KANK1: variants seen among roughly 807,000 people sequenced by gnomAD.
KANK1 encodes KN motif and ankyrin repeat domain-containing protein 1.
KANK1 carries 109 observed loss-of-function variants against 106.2 expected under a neutral mutation model. That is an observed-to-expected ratio of 1.03 (90% CI 0.88 to 1.20). The LOEUF (loss-of-function observed/expected upper bound fraction) is 1.20. Ranked by LOEUF, KANK1 falls within the 50% of genes most tolerant of loss-of-function variation. The pLI is 0.00. For missense variants in KANK1, 2,399 were observed against 1,710.7 expected, an observed-to-expected ratio of 1.40 and a Z score of -7.10; for synonymous variants, 873 against 652.2, an observed-to-expected ratio of 1.34 and a Z score of -5.16.
At chr9:649,640 A>G (rs140054969) in intron 1 of KANK1, among the ~76,000 whole-genome samples, 14 of 152,302 alleles carry the variant, frequency 9.2e-5, no homozygotes, top group Middle Eastern at 3.4e-3. Context: ...TAGCTTTGAC[A>G]CTTCAGTAGT....
intron 1 of KANK1, among the ~76,000 whole-genome samples, chr9:525,453 C>T (rs895339786): frequency 6.6e-6 from 1 of 151,196 alleles, no homozygotes; most frequent in African/African-American, 2.5e-5. Flanking sequence ...GATCTTGGCT[C>T]ACTGCAACTT....
chr9:555,227 C>T (rs141572095), intron 1 of KANK1, among the ~76,000 whole-genome samples: 1 of 152,204 alleles, frequency 6.6e-6, no homozygotes, highest in Non-Finnish European at 1.5e-5. Context: ...GTCAGTAATC[C>T]AAAGCAGGAT....
At chr9:547,688 C>A (rs2061016043) in intron 1 of KANK1, among the ~76,000 whole-genome samples, 1 of 144,002 alleles carries the variant, frequency 6.9e-6, no homozygotes, top group Non-Finnish European at 1.6e-5. Flanking sequence ...GATAAGAATT[C>A]TCTTCCTGCA....
chr9:717,013 C>T (rs971813560), intron 3 of KANK1, among the ~76,000 whole-genome samples: 15 of 151,120 alleles, frequency 9.9e-5, no homozygotes, highest in African/African-American at 3.2e-4. Context: ...AGATTGTGCA[C>T]GGTGGCTCAC....
chr9:570,159 T>G (rs1000193020), intron 1 of KANK1, among the ~76,000 whole-genome samples: 1 of 152,230 alleles, frequency 6.6e-6, no homozygotes, highest in Non-Finnish European at 1.5e-5. Flanking sequence ...CATTGCTACT[T>G]TGGAGAATGT....
chr9:494,145 T>C (rs1414213471), intron 3 of KANK1, among the ~76,000 whole-genome samples: 3 of 152,180 alleles, frequency 2.0e-5, no homozygotes, highest in African/African-American at 7.2e-5. Flanking sequence ...CCTCCCAAAG[T>C]GCTGGGATTA....
At chr9:478,115 A>G in intron 3 of KANK1, 1 of 213,786 alleles carries the variant, frequency 4.7e-6, no homozygotes. Context: ...GCCCTCAAGG[A>G]ACCAGAGACA....
At chr9:687,428 A>T (rs1247859106) in intron 2 of KANK1, among the ~76,000 whole-genome samples, 1 of 152,044 alleles carries the variant, frequency 6.6e-6, no homozygotes, top group African/African-American at 2.4e-5. Flanking sequence ...TTTGTTTTGG[A>T]CTTATTTTGT....
chr9:496,047 C>G (rs1302358588), intron 3 of KANK1, among the ~76,000 whole-genome samples: 1 of 152,160 alleles, frequency 6.6e-6, no homozygotes, highest in Non-Finnish European at 1.5e-5. Context: ...TGGCTCTGGC[C>G]TCCAGCAACC....
chr9:672,466 A>C (rs556358692), intron 1 of KANK1, among the ~76,000 whole-genome samples: 2 of 152,164 alleles, frequency 1.3e-5, no homozygotes, highest in African/African-American at 4.8e-5. Context: ...GTAGTACTTA[A>C]TGTTACACTT....
At chr9:688,523 T>C (rs1819080435) in intron 2 of KANK1, among the ~76,000 whole-genome samples, 1 of 151,778 alleles carries the variant, frequency 6.6e-6, no homozygotes, top group South Asian at 2.1e-4. Context: ...GGAGAATAGC[T>C]TGAACCCGAG....
intron 1 of KANK1, among the ~76,000 whole-genome samples, chr9:509,246 C>T (rs2058921229): frequency 6.6e-6 from 1 of 152,120 alleles, no homozygotes; most frequent in Non-Finnish European, 1.5e-5. Flanking sequence ...TACAGGCACA[C>T]GCCACCACGC....
chr9:685,262 G>C (rs1297038635), intron 2 of KANK1, among the ~76,000 whole-genome samples: 2 of 152,158 alleles, frequency 1.3e-5, no homozygotes, highest in South Asian at 4.1e-4. Context: ...AGTTCTATAC[G>C]ATGAGTTATC....
chr9:743,418 T>C (rs947081361), intron 10 of KANK1, among the ~76,000 whole-genome samples: 1 of 152,250 alleles, frequency 6.6e-6, no homozygotes, highest in South Asian at 2.1e-4. Context: ...CTGACCGACT[T>C]CTTTCTTCCA....
chr9:743,503 G>C lies in KANK1; in HGVS notation c.3898-988G>C, dbSNP rs1484452265. On this transcript the variant is annotated intron_variant, in intron 10 of 11. Transcript: ENST00000382297. ...ATCTTTCAAAGCTTTTGAGGGGAAG[G>C]ATCATAAGATTAAACCAAAGAGAAC... Among the ~76,000 whole-genome samples the C allele has an allele frequency of 2.6e-5, 4 of 152,148 alleles. No homozygotes were observed. The East Asian group carries it at 7.7e-4, about 29-fold the overall frequency.
intron 1 of KANK1, among the ~76,000 whole-genome samples, chr9:541,456 G>A (rs2060594151): frequency 6.6e-6 from 1 of 152,078 alleles, no homozygotes; most frequent in South Asian, 2.1e-4. Flanking sequence ...ATGGCTCAGG[G>A]GTAGAGGATT....
chr9:531,307 T>C (rs542292576), intron 1 of KANK1, among the ~76,000 whole-genome samples: 1 of 152,156 alleles, frequency 6.6e-6, no homozygotes, highest in East Asian at 1.9e-4. Context: ...GGTGCGTGCC[T>C]ATAGTCCCAG....
At chr9:494,751 C>A (rs115906088) in intron 3 of KANK1, among the ~76,000 whole-genome samples, 1 of 152,090 alleles carries the variant, frequency 6.6e-6, no homozygotes, top group South Asian at 2.1e-4. Context: ...CATCCTGCCC[C>A]GCTACTGTAT....
At chr9:482,146 T>C (rs534103411) in intron 3 of KANK1, among the ~76,000 whole-genome samples, 11 of 152,288 alleles carry the variant, frequency 7.2e-5, no homozygotes, top group African/African-American at 2.6e-4. Context: ...AGCGCTCCCC[T>C]TGTATTCGCC....
Sources: allele counts gnomAD v4.1 joint callset (sites outside exome capture counted in the v4.1 genomes callset), GRCh38; gene constraint gnomAD v4.1.1; transcripts MANE v1.5; gene names NCBI Gene and HGNC (gene_info 2026-07-23, HGNC 2026-07-21).